Variants in BRD4 observed in about 807,000 individuals in gnomAD.
BRD4 encodes bromodomain-containing protein 4.
A neutral mutation model predicts 142.1 loss-of-function variants in BRD4; 16 were observed. The observed-to-expected ratio is 0.11, with a 90% CI of 0.08 to 0.17. BRD4 has a LOEUF of 0.17. BRD4 is among the 10% of genes least tolerant of loss of function. The pLI is 1.00. For synonymous variants in BRD4, 833 were observed against 707.5 expected (o/e 1.18, Z -2.82); for missense variants, 1,424 against 1,810.9 (o/e 0.79, Z 3.88).
chr19:15,303,144 T>C (rs1003811054), intron 1 of BRD4, among the ~76,000 whole-genome samples: 1 of 152,004 alleles, frequency 6.6e-6, no homozygotes, highest in Non-Finnish European at 1.5e-5. Context: ...ACACAGTCCA[T>C]GTAGGGTACA....
chr19:15,331,044 G>A (rs1411195849), intron 1 of BRD4, among the ~76,000 whole-genome samples: 1 of 152,052 alleles, frequency 6.6e-6, no homozygotes, highest in Non-Finnish European at 1.5e-5. Context: ...ATTCTCGTGA[G>A]GCATACATTC....
At chr19:15,292,249 T>C (rs537099316) in intron 1 of BRD4, among the ~76,000 whole-genome samples, 52 of 152,252 alleles carry the variant, frequency 3.4e-4, no homozygotes, top group African/African-American at 6.5e-4. Flanking sequence ...ACAACTCTCA[T>C]AGGCCAAAAA....
intron 1 of BRD4, among the ~76,000 whole-genome samples, chr19:15,330,048 A>T (rs2048143579): frequency 6.6e-6 from 1 of 152,244 alleles, no homozygotes; most frequent in Non-Finnish European, 1.5e-5. Context: ...ATAGCACCCC[A>T]GAACAGCCAA....
At chr19:15,324,676 C>T (rs994919145) in intron 1 of BRD4, among the ~76,000 whole-genome samples, 1 of 152,344 alleles carries the variant, frequency 6.6e-6, no homozygotes, top group African/African-American at 2.4e-5. Context: ...CCAGTGCCTT[C>T]TGGCTCCCTG....
At chr19:15,274,372 G>A (rs571435109) in intron 1 of BRD4, among the ~76,000 whole-genome samples, 2 of 152,336 alleles carry the variant, frequency 1.3e-5, no homozygotes, top group East Asian at 3.9e-4. Flanking sequence ...GTGTGATGGG[G>A]TCAAGGGGAG....
rs567797522 is a variant in BRD4 at position 15,268,678 on chromosome 19, G to T, written c.423+227C>A. Reference sequence around the variant, plus strand: ...CACATGCTTCAGGCTAACAAGGACAGCTTGCAAGTTCAACATGGCCAGCAC... The same window carrying T: ...CACATGCTTCAGGCTAACAAGGACATCTTGCAAGTTCAACATGGCCAGCAC... On this transcript the variant is annotated intron_variant, in intron 3 of 19. Coordinates refer to ENST00000679869, the MANE Select transcript of BRD4 (RefSeq NM_001379291.1). Among the ~76,000 whole-genome samples, 5 of 152,226 alleles carry T rather than the reference G, an allele frequency of 3.3e-5. No individual in the cohort carries two copies. The South Asian group carries it at 1.0e-3, about 32-fold the overall frequency.
At chr19:15,248,399 A>G in intron 11 of BRD4, 1 of 215,216 alleles carries the variant, frequency 4.6e-6, no homozygotes, top group Non-Finnish European at 9.4e-6. Context: ...CTGGTCCACC[A>G]GCCCAGACTC....
Position 15,243,349 on chromosome 19 carries a change from T to TG in BRD4, c.2719dup (p.Gln907ProfsTer10). The TG allele has an allele frequency of 2.1e-6, 2 of 946,196 alleles. No homozygotes were observed. The highest frequency in any genetic ancestry group is 7.4e-5 in the Admixed American group (1 of 13,550). The allele number at this position is 946,196 out of a possible 1,614,324, so 58.6% of individuals were successfully genotyped here. A position where few individuals can be genotyped will look rare whatever the true frequency, so the allele number is the denominator to read the frequency against. On this transcript the variant is annotated frameshift_variant, in exon 14 of 20. Coordinates refer to ENST00000679869, the MANE Select transcript of BRD4 (RefSeq NM_001379291.1). LOFTEE classifies it high-confidence loss of function. ...ATCCTCCAGCAGCACTTGGGGGGGT[T>TG]GGGCCATGGGGGGCTGTGGGAGCAG...
intron 2 of BRD4, among the ~76,000 whole-genome samples, chr19:15,269,540 T>C (rs1331258562): frequency 6.6e-6 from 1 of 152,156 alleles, no homozygotes; most frequent in Non-Finnish European, 1.5e-5. Context: ...TGCCTCCTTG[T>C]CACCATGAAG....
chr19:15,303,424 C>T (rs908260226), intron 1 of BRD4, among the ~76,000 whole-genome samples: 2 of 152,016 alleles, frequency 1.3e-5, no homozygotes, highest in African/African-American at 2.4e-5. Context: ...GGGGAGAAGA[C>T]GGTTAGGCAA....
chr19:15,280,156 A>G, intron 1 of BRD4: 2 of 722,578 alleles, frequency 2.8e-6, no homozygotes, highest in Non-Finnish European at 3.4e-6. Context: ...CATCTTCATC[A>G]TCATCCCCAT....
At position 15,309,338 on chromosome 19, in the gene BRD4, C is replaced by CAAAA. The variant is rs59956347; in HGVS notation, c.-35+22948_-35+22951dup. ...GGGCGACAGAGCAAGACTCCACCTC[C>CAAAA]AAAAAAAAAAAAAAAAAACCAACAA... On this transcript the variant is annotated intron_variant, in intron 1 of 19. Coordinates refer to ENST00000679869, the MANE Select transcript of BRD4 (RefSeq NM_001379291.1). 5.3e-3 allele frequency among the ~76,000 whole-genome samples: 385 copies of CAAAA among 72,908 alleles called. 4 individuals are homozygous for CAAAA. The highest frequency in any genetic ancestry group is 0.011 in the South Asian group (21 of 1,958). The allele number at this position is 72,908 out of a possible 152,430, so 47.8% of individuals were successfully genotyped here.
chr19:15,299,180 C>A (rs1403293764), intron 1 of BRD4, among the ~76,000 whole-genome samples: 1 of 152,192 alleles, frequency 6.6e-6, no homozygotes, highest in Admixed American at 6.5e-5. Flanking sequence ...TATTCCTGAT[C>A]CACGTGTCTG....
intron 1 of BRD4, 33 bp from the exon 2 acceptor site, chr19:15,273,166 T>C (rs931036927): frequency 8.6e-6 from 13 of 1,517,844 alleles, no homozygotes; most frequent in Non-Finnish European, 1.1e-5. Context: ...CCGTGAGATA[T>C]CAGTCAGCAG....
At position 15,237,074 on chromosome 19, in the gene BRD4, G is replaced by A. The variant is rs562430141; in HGVS notation, c.*1303C>T. 1.1e-3 allele frequency: 216 copies of A among 204,070 alleles called. No individual in the cohort carries two copies. The highest frequency in any genetic ancestry group is 2.5e-3 in the Admixed American group (41 of 16,600). 12.6% of individuals were successfully genotyped at this position (204,070 alleles called of 1,614,324 possible). A position where few individuals can be genotyped will look rare whatever the true frequency, so the allele number is the denominator to read the frequency against. On this transcript the variant is annotated 3_prime_UTR_variant, in exon 20 of 20. Coordinates refer to ENST00000679869, the MANE Select transcript of BRD4 (RefSeq NM_001379291.1). ...AGCGGCCAGCTGGTTGGGGCTGGGC[G>A]CCAGGTAGGGGAGTCTCTGCCTTAG...
intron 1 of BRD4, among the ~76,000 whole-genome samples, chr19:15,327,060 T>C (rs1404097470): frequency 1.3e-5 from 2 of 152,218 alleles, no homozygotes; most frequent in African/African-American, 4.8e-5. Flanking sequence ...GCTGATATCC[T>C]TGCAGTTCCA....
intron 1 of BRD4, among the ~76,000 whole-genome samples, chr19:15,300,563 CAA>C: frequency 6.6e-6 from 1 of 150,664 alleles, no homozygotes; most frequent in African/African-American, 2.4e-5. Flanking sequence ...TTAACAAAAA[CAA>C]AAACAAAAAA....
chr19:15,250,529 T>C (rs927276929), intron 11 of BRD4, among the ~76,000 whole-genome samples: 2 of 152,226 alleles, frequency 1.3e-5, no homozygotes, highest in Non-Finnish European at 2.9e-5. Flanking sequence ...AACACCCACA[T>C]GCTCCAATCC....
intron 1 of BRD4, among the ~76,000 whole-genome samples, chr19:15,331,353 G>A (rs958950871): frequency 2.0e-5 from 3 of 152,162 alleles, no homozygotes; most frequent in African/African-American, 7.2e-5. Flanking sequence ...TTTGGGAGGA[G>A]GGGGATCATT....
Sources: gnomAD v4.1 joint callset for allele counts (sites outside exome capture counted in the v4.1 genomes callset) on GRCh38, gnomAD v4.1.1 for gene constraint, MANE v1.5 for transcripts, NCBI Gene and HGNC (gene_info 2026-07-23, HGNC 2026-07-21) for gene names.